GPHN: variants seen among roughly 807,000 people sequenced by gnomAD.
GPHN encodes gephyrin.
GPHN carries 17 observed loss-of-function variants against 95.5 expected under a neutral mutation model. The ratio of observed to expected loss-of-function variants is 0.18; its 90% CI spans 0.12 to 0.27. The LOEUF is 0.27. Among genes scored for constraint, GPHN ranks in the 10% least tolerant of loss-of-function variants. The probability of loss-of-function intolerance (pLI) is 1.00; values close to 1 mark genes in which losing one functional copy is unlikely to be tolerated. For synonymous variants in GPHN, 320 were observed against 322.5 expected, an observed-to-expected ratio of 0.99 and a Z score of 0.08; for missense variants, 660 against 978.1, an observed-to-expected ratio of 0.67 and a Z score of 4.34.
intron 1 of GPHN, among the ~76,000 whole-genome samples, chr14:66,611,867 C>G (rs1219850400): frequency 6.6e-6 from 1 of 152,094 alleles, no homozygotes; most frequent in East Asian, 1.9e-4. Context: ...TTCTTCACTG[C>G]TAGATGAAAG....
intron 21 of GPHN, among the ~76,000 whole-genome samples, 197 bp from the exon 22 acceptor site, chr14:67,179,381 G>A (rs1482313168): frequency 6.6e-6 from 1 of 152,030 alleles, no homozygotes. Flanking sequence ...GTGAGACCTT[G>A]TGTCAAAAGA....
intron 17 of GPHN, among the ~76,000 whole-genome samples, chr14:67,129,761 A>G (rs2079566080): frequency 7.8e-6 from 1 of 128,812 alleles, no homozygotes; most frequent in South Asian, 2.5e-4. Flanking sequence ...TTGACTAGAA[A>G]GAAAGAAAGA....
chr14:67,014,547 A>G (rs893025061), intron 9 of GPHN, among the ~76,000 whole-genome samples: 2 of 152,206 alleles, frequency 1.3e-5, no homozygotes, highest in East Asian at 1.9e-4. Context: ...TAGGAATGCA[A>G]TGATTGTCAT....
the GPHN span, among the ~76,000 whole-genome samples, chr14:67,460,162 TC>T: frequency 6.6e-6 from 1 of 152,142 alleles, no homozygotes; most frequent in African/African-American, 2.4e-5. Flanking sequence ...ATACCCCGCC[TC>T]CCTTTTTTTG....
intron 2 of GPHN, among the ~76,000 whole-genome samples, chr14:66,743,812 A>G (rs190941724): frequency 6.6e-6 from 1 of 152,288 alleles, no homozygotes; most frequent in Non-Finnish European, 1.5e-5. Context: ...TATTTCCTTT[A>G]TCTTCTTGTA....
intron 16 of GPHN, among the ~76,000 whole-genome samples, chr14:67,114,749 CTG>C (rs1340377492): frequency 1.3e-5 from 2 of 152,146 alleles, no homozygotes; most frequent in African/African-American, 4.8e-5. Context: ...ATAGGAAACT[CTG>C]TTTAAGCGAT....
At chr14:67,203,026 C>T in the GPHN span, 2 of 1,516,700 alleles carry the variant, frequency 1.3e-6, no homozygotes, top group East Asian at 4.5e-5. Context: ...TTACACTTCT[C>T]AGGCAAGCAA....
chr14:67,339,373 A>C, the GPHN span, among the ~76,000 whole-genome samples: 1 of 152,088 alleles, frequency 6.6e-6, no homozygotes, highest in Non-Finnish European at 1.5e-5. Context: ...CATTTTTTTA[A>C]AATTTTGGCT....
chr14:67,332,758 A>G, the GPHN span: 1 of 1,591,644 alleles, frequency 6.3e-7, no homozygotes, highest in Non-Finnish European at 8.6e-7. Flanking sequence ...ATTATCTCAC[A>G]GTTTTTATCT....
At chr14:67,679,898 GAA>G in the GPHN span, among the ~76,000 whole-genome samples, 3 of 152,158 alleles carry the variant, frequency 2.0e-5, no homozygotes, top group African/African-American at 7.2e-5. Context: ...ACTATTTCAA[GAA>G]AATTGCTTCC....
At chr14:67,199,827 G>T in the GPHN span, 4 of 1,502,656 alleles carry the variant, frequency 2.7e-6, no homozygotes, top group African/African-American at 1.4e-5. Context: ...CTCCCACCTG[G>T]GATACCCCCA....
chr14:67,328,457 C>A, the GPHN span, among the ~76,000 whole-genome samples: 2 of 152,178 alleles, frequency 1.3e-5, no homozygotes, highest in African/African-American at 4.8e-5. Context: ...ATGGTAGTTT[C>A]TTTTGCTGTG....
At chr14:67,296,416 T>C in the GPHN span, among the ~76,000 whole-genome samples, 23,423 of 151,470 alleles carry the variant, frequency 0.15, 3,387 homozygotes, top group East Asian at 0.41. Flanking sequence ...CTGGCTAACA[T>C]GGTGAAATGC....
At chr14:67,297,496 T>C in the GPHN span, among the ~76,000 whole-genome samples, 263 of 152,284 alleles carry the variant, frequency 1.7e-3, 14 homozygotes, top group South Asian at 0.054. Flanking sequence ...AAGCAAGAAA[T>C]TTATTCTATA....
At chr14:67,567,146 C>T in the GPHN span, among the ~76,000 whole-genome samples, 6 of 113,026 alleles carry the variant, frequency 5.3e-5, no homozygotes, top group East Asian at 7.2e-4. Context: ...ACTCGTGTTC[C>T]GTGTTCCGGG....
At chr14:67,393,168 A>AG in the GPHN span, 3 of 1,613,172 alleles carry the variant, frequency 1.9e-6, no homozygotes, top group Non-Finnish European at 2.5e-6. Context: ...GTCTTTTTAT[A>AG]GGTGCTTCCC....
chr14:66,631,852 G>A (rs956522683), intron 1 of GPHN, among the ~76,000 whole-genome samples: 1 of 151,966 alleles, frequency 6.6e-6, no homozygotes, highest in Non-Finnish European at 1.5e-5. Context: ...AGTGATTTCC[G>A]AATGTTTCTA....
intron 9 of GPHN, among the ~76,000 whole-genome samples, chr14:67,022,624 G>A (rs1470167089): frequency 1.0e-5 from 1 of 98,646 alleles, no homozygotes; most frequent in Non-Finnish European, 1.9e-5. Flanking sequence ...TTGTATGTAT[G>A]TTTGTGACTT....
At chr14:66,894,977 A>G (rs556634764) in intron 5 of GPHN, among the ~76,000 whole-genome samples, 1 of 152,244 alleles carries the variant, frequency 6.6e-6, no homozygotes, top group South Asian at 2.1e-4. Context: ...AGAACTAGAA[A>G]TACCATTTGA....
Sources: gnomAD v4.1 joint callset for allele counts (sites outside exome capture counted in the v4.1 genomes callset) on GRCh38, gnomAD v4.1.1 for gene constraint, MANE v1.5 for transcripts, NCBI Gene and HGNC (gene_info 2026-07-23, HGNC 2026-07-21) for gene names.